FRYL: variants seen among roughly 807,000 people sequenced by gnomAD.
The protein encoded by FRYL is protein furry homolog-like.
Under a neutral mutation model 351.2 loss-of-function variants are expected in FRYL, and 150 were observed. The ratio of observed to expected loss-of-function variants is 0.43; its 90% CI spans 0.37 to 0.49. FRYL has a LOEUF of 0.49. FRYL is among the 20% of genes least tolerant of loss of function. The pLI, the probability that FRYL is intolerant of heterozygous loss-of-function variation, is 0.00. For synonymous variants in FRYL, 1,153 were observed against 1,257.1 expected (o/e 0.92, Z 1.75); for missense variants, 3,036 against 3,619.3 (o/e 0.84, Z 4.13).
intron 22 of FRYL, 133 bp from the exon 23 acceptor site, chr4:48,579,374 G>T: frequency 1.5e-6 from 1 of 684,228 alleles, no homozygotes; most frequent in Non-Finnish European, 2.3e-6. Flanking sequence ...ATGGTAGGTT[G>T]AAGGGAGTAG....
At chr4:48,590,934 G>C (rs1291057252) in intron 16 of FRYL, 104 bp from the exon 17 acceptor site, 1 of 809,694 alleles carries the variant, frequency 1.2e-6, no homozygotes, top group Admixed American at 2.6e-5. Context: ...GGGGTGGAAG[G>C]AAGGAAGATA....
At chr4:48,744,352 G>A (rs771557567) in intron 1 of FRYL, among the ~76,000 whole-genome samples, 4 of 151,840 alleles carry the variant, frequency 2.6e-5, no homozygotes, top group Non-Finnish European at 4.4e-5. Context: ...GGGAAGGAGA[G>A]AGGAAGAAAA....
intron 19 of FRYL, among the ~76,000 whole-genome samples, chr4:48,582,995 G>A (rs1439680872): frequency 6.6e-6 from 1 of 152,082 alleles, no homozygotes; most frequent in Admixed American, 6.6e-5. Flanking sequence ...TGATACAAAT[G>A]ACATTAGAAT....
chr4:48,716,868 A>G (rs1344132889), intron 1 of FRYL, among the ~76,000 whole-genome samples: 1 of 151,272 alleles, frequency 6.6e-6, no homozygotes, highest in Non-Finnish European at 1.5e-5. Context: ...ACTTGGAACC[A>G]ACCCAAATGT....
chr4:48,667,330 G>A (rs192103398), intron 3 of FRYL, among the ~76,000 whole-genome samples: 1,526 of 151,926 alleles, frequency 0.01, 10 homozygotes, highest in South Asian at 0.018. Flanking sequence ...CAGGATACTG[G>A]GCACATACAG....
chr4:48,693,906 C>A (rs1300543583), intron 2 of FRYL, among the ~76,000 whole-genome samples: 1 of 152,216 alleles, frequency 6.6e-6, no homozygotes, highest in Non-Finnish European at 1.5e-5. Flanking sequence ...AATCCAAATT[C>A]TCTTGGTGAC....
In FRYL at chr4:48,561,589, C is replaced by T; in HGVS notation, c.3744G>A (p.Gln1248=). 6.2e-7 allele frequency: 1 copy of T among 1,612,344 alleles called. No individual in the cohort carries two copies. The highest frequency in any genetic ancestry group is 1.1e-5 in the South Asian group (1 of 90,794). Reference sequence around the variant, plus strand: ...GCTGGCTGAGTACTCCATCTGTTCTCTGAACCTCCAATTTGTGAGCATAGC... The same window carrying T: ...GCTGGCTGAGTACTCCATCTGTTCTTTGAACCTCCAATTTGTGAGCATAGC... ...MFRYAHKLEV[Q]RTDGVLSQLS... is the part of the protein sequence containing the mutation. Residue 1248 remains glutamine, a synonymous_variant, in exon 33 of 64, where the codon CAG becomes CAA. Transcript: ENST00000358350.
At chr4:48,753,787 C>G (rs187494090) in intron 1 of FRYL, among the ~76,000 whole-genome samples, 17 of 152,170 alleles carry the variant, frequency 1.1e-4, no homozygotes, top group South Asian at 2.1e-4. Flanking sequence ...GTCTATGATC[C>G]ATTTTGTTCA....
chr4:48,520,829 T>G, intron 55 of FRYL: 1 of 439,832 alleles, frequency 2.3e-6, no homozygotes, highest in South Asian at 5.2e-5. Context: ...AAACTGCTCA[T>G]TAAAAACACT....
intron 3 of FRYL, among the ~76,000 whole-genome samples, chr4:48,642,538 G>C (rs535500322): frequency 1.8e-4 from 27 of 151,948 alleles, no homozygotes; most frequent in Admixed American, 3.3e-4. Flanking sequence ...ACTTCTGCTT[G>C]TTCTTTGGAC....
chr4:48,514,911 C>T, intron 56 of FRYL, 117 bp downstream of exon 56: 2 of 874,550 alleles, frequency 2.3e-6, no homozygotes, highest in Non-Finnish European at 3.5e-6. Context: ...AGTATGATTA[C>T]AGACTGAAAC....
At chr4:48,705,962 G>A (rs558666611) in intron 2 of FRYL, among the ~76,000 whole-genome samples, 27 of 152,038 alleles carry the variant, frequency 1.8e-4, no homozygotes, top group African/African-American at 5.3e-4. Flanking sequence ...TCAGCCTCCT[G>A]AGTAGCTGGA....
At chr4:48,574,480 T>C (rs751427413) in intron 25 of FRYL, 4 of 152,200 alleles carry the variant, frequency 2.6e-5, no homozygotes, top group Admixed American at 6.5e-5. Context: ...TGGAAATCTT[T>C]AGCAAAAGGC....
intron 3 of FRYL, among the ~76,000 whole-genome samples, chr4:48,674,433 A>G (rs191672225): frequency 2.0e-4 from 30 of 152,288 alleles, no homozygotes; most frequent in African/African-American, 6.7e-4. Flanking sequence ...ACATGTGATC[A>G]TTTTGATTTC....
chr4:48,706,183 G>C (rs1271311152), intron 2 of FRYL, among the ~76,000 whole-genome samples: 1 of 152,148 alleles, frequency 6.6e-6, no homozygotes, highest in Non-Finnish European at 1.5e-5. Context: ...TCTAGGAATA[G>C]AATTCAGCTG....
chr4:48,543,701 T>C, intron 44 of FRYL, 106 bp downstream of exon 44: 2 of 934,270 alleles, frequency 2.1e-6, no homozygotes, highest in Non-Finnish European at 3.2e-6. Flanking sequence ...CTGACTATAA[T>C]TCTAGATGCC....
chr4:48,655,730 T>C (rs1392902465), intron 3 of FRYL, among the ~76,000 whole-genome samples: 2 of 146,460 alleles, frequency 1.4e-5, no homozygotes, highest in Non-Finnish European at 3.0e-5. Flanking sequence ...TATAAGTATA[T>C]AAAATTATAT....
chr4:48,548,465 A>G (rs1296434063), intron 40 of FRYL, among the ~76,000 whole-genome samples: 4 of 152,190 alleles, frequency 2.6e-5, no homozygotes, highest in African/African-American at 9.7e-5. Flanking sequence ...AGGCGAGGCC[A>G]TAAGATAGGA....
intron 1 of FRYL, among the ~76,000 whole-genome samples, chr4:48,756,138 C>T (rs560058674): frequency 4.7e-4 from 70 of 149,626 alleles, no homozygotes; most frequent in Non-Finnish European, 8.1e-4. Flanking sequence ...GAGGCCGAGG[C>T]GGGAAGAATT....
Sources: allele counts gnomAD v4.1 joint callset (sites outside exome capture counted in the v4.1 genomes callset), GRCh38; gene constraint gnomAD v4.1.1; transcripts MANE v1.5; gene names NCBI Gene and HGNC (gene_info 2026-07-23, HGNC 2026-07-21).